Variants in THSD7B observed in about 807,000 individuals in gnomAD.
The protein encoded by THSD7B is thrombospondin type-1 domain-containing protein 7B.
Under a neutral mutation model 213.6 loss-of-function variants are expected in THSD7B, and 138 were observed. The ratio of observed to expected loss-of-function variants is 0.65; its 90% CI spans 0.56 to 0.74. The LOEUF is 0.74. THSD7B is among the 30% of genes least tolerant of loss of function. The pLI is 0.00. For synonymous variants in THSD7B, 742 were observed against 687.0 expected (o/e 1.08, Z -1.25); for missense variants, 1,931 against 1,991.5 (o/e 0.97, Z 0.58).
rs1232723686 is a variant in THSD7B, at chr2:137,398,706, A to C, written c.2501-6907A>C. ...GTGGGCTCCACCCAGTTTGAGCTTC[A>C]GGGCTGCTTTGTTTACCTAATCAAG... On this transcript the variant is annotated intron_variant, in intron 12 of 27. Transcript: ENST00000409968. Among the ~76,000 whole-genome samples, 4 of 151,706 alleles carry C rather than the reference A, an allele frequency of 2.6e-5. No individual in the cohort carries two copies. In the South Asian group the frequency reaches 6.3e-4, roughly 24 times the overall value.
intron 2 of THSD7B, 26 bp downstream of exon 2, chr2:136,882,343 G>C: frequency 6.8e-7 from 1 of 1,477,136 alleles, no homozygotes; most frequent in Non-Finnish European, 9.0e-7. Flanking sequence ...CTGTTCCTTT[G>C]TCCTATTTTC....
intron 2 of THSD7B, among the ~76,000 whole-genome samples, chr2:136,979,338 A>G (rs1228688990): frequency 6.6e-6 from 1 of 151,710 alleles, no homozygotes; most frequent in African/African-American, 2.4e-5. Flanking sequence ...ACATTGGCCT[A>G]TTTTGCTAGG....
In THSD7B at chr2:136,807,509, G is replaced by GTTTTTTTTTTTTTTTTT; in HGVS notation, c.-36+41838_-36+41839insTTTTTTTTTTTTTTTTT. Among the ~76,000 whole-genome samples, 158 of 104,854 alleles carry GTTTTTTTTTTTTTTTTT rather than the reference G, an allele frequency of 1.5e-3. 15 individuals carry two copies. Among genetic ancestry groups the GTTTTTTTTTTTTTTTTT allele is most frequent in the Middle Eastern group, 5.4e-3 (1 of 184 alleles). 68.8% of individuals were successfully genotyped at this position (104,854 alleles called of 152,430 possible). ...ACTTCCTAGCACTACAAAATGTTTC[G>GTTTTTTTTTTTTTTTTT]TTTTTTTTTTTTTTTTGAGACGGAG... On this transcript the variant is annotated intron_variant, in intron 1 of 27. Transcript: ENST00000409968.
At chr2:136,963,981 A>G (rs145551476) in intron 2 of THSD7B, among the ~76,000 whole-genome samples, 1 of 134,400 alleles carries the variant, frequency 7.4e-6, no homozygotes, top group East Asian at 2.0e-4. Flanking sequence ...CTAGCTAGCC[A>G]TGTTGGTTAA....
rs114099189 is a variant in THSD7B, at chr2:137,237,516, C to T, written c.2150+4383C>T. Among the ~76,000 whole-genome samples the T allele has an allele frequency of 3.5e-3, 540 of 152,226 alleles. 6 individuals are homozygous for T. Among genetic ancestry groups the T allele is most frequent in the African/African-American group, 0.012 (487 of 41,544 alleles). ...AGCTAAATATGGGATTTTTAAGGCACGATACAAAATGGAATTCTACCATCA... is the reference window on the plus strand; with the variant it reads ...AGCTAAATATGGGATTTTTAAGGCATGATACAAAATGGAATTCTACCATCA... On this transcript the variant is annotated intron_variant, in intron 9 of 27. Coordinates refer to ENST00000409968, the MANE Select transcript of THSD7B (RefSeq NM_001316349.2).
rs544727492 is a variant in THSD7B, at chr2:136,855,909, C to T, written c.-35-26235C>T. Among the ~76,000 whole-genome samples, 63 of 152,076 alleles carry T rather than the reference C, an allele frequency of 4.1e-4. 1 individual carries two copies. Among genetic ancestry groups the T allele is most frequent in the African/African-American group, 1.3e-3 (54 of 41,466 alleles). On this transcript the variant is annotated intron_variant, in intron 1 of 27. Transcript: ENST00000409968. Reference sequence around the variant, plus strand: ...ACTCTTTCCTCTGCCTGGATTACCCCCCTCCTTTTCCCCAGATCTTCACAT... The same window carrying T: ...ACTCTTTCCTCTGCCTGGATTACCCTCCTCCTTTTCCCCAGATCTTCACAT...
chr2:137,676,422 G>A, intron 27 of THSD7B, 102 bp from the exon 28 acceptor site: 1 of 1,060,042 alleles, frequency 9.4e-7, no homozygotes, highest in Non-Finnish European at 1.4e-6. Context: ...GAATCTTTTT[G>A]TCATTTTACC....
At chr2:136,961,584 G>A (rs1336344389) in intron 2 of THSD7B, among the ~76,000 whole-genome samples, 1 of 152,104 alleles carries the variant, frequency 6.6e-6, no homozygotes, top group Admixed American at 6.5e-5. Flanking sequence ...TCCTGGCTGA[G>A]CTCAGTACCC....
intron 2 of THSD7B, among the ~76,000 whole-genome samples, chr2:137,005,922 CTG>C (rs1686098502): frequency 6.6e-6 from 1 of 152,088 alleles, no homozygotes; most frequent in Non-Finnish European, 1.5e-5. Flanking sequence ...ACGTATGTGT[CTG>C]TGTATCCCAT....
rs34604281 is a variant in THSD7B at position 137,605,648 on chromosome 2, C to CTTTTTT, written c.3424-10493_3424-10488dup. On this transcript the variant is annotated intron_variant, in intron 17 of 27. Transcript: ENST00000409968. Reference sequence around the variant, plus strand: ...AAAAAGCATATATTGGCACTTCGCACTTTTTTTTTTTTTTTTTTTTTTTTT... The same window carrying CTTTTTT: ...AAAAAGCATATATTGGCACTTCGCACTTTTTTTTTTTTTTTTTTTTTTTTTTTTTTT... Among the ~76,000 whole-genome samples, 124 of 69,018 alleles carry CTTTTTT rather than the reference C, an allele frequency of 1.8e-3. 23 individuals are homozygous for CTTTTTT. The highest frequency in any genetic ancestry group is 2.5e-3 in the Non-Finnish European group (90 of 36,478). The allele number at this position is 69,018 out of a possible 152,430, so 45.3% of individuals were successfully genotyped here.
At chr2:137,129,209 T>C (rs1688681533) in intron 5 of THSD7B, among the ~76,000 whole-genome samples, 2 of 152,170 alleles carry the variant, frequency 1.3e-5, no homozygotes, top group South Asian at 4.1e-4. Flanking sequence ...ACAGTGGTGA[T>C]ATACCAGGCA....
chr2:136,848,025 A>T (rs977989285), intron 1 of THSD7B, among the ~76,000 whole-genome samples: 1 of 152,282 alleles, frequency 6.6e-6, no homozygotes, highest in South Asian at 2.1e-4. Flanking sequence ...AAAGATCATC[A>T]TATGGAATCT....
intron 1 of THSD7B, among the ~76,000 whole-genome samples, chr2:136,791,601 A>G (rs1356317640): frequency 6.7e-6 from 1 of 148,554 alleles, no homozygotes; most frequent in African/African-American, 2.5e-5. Context: ...TATAGATCCT[A>G]TAGATTTTCC....
chr2:136,828,300 C>T (rs906589886), intron 1 of THSD7B, among the ~76,000 whole-genome samples: 2 of 152,054 alleles, frequency 1.3e-5, no homozygotes, highest in Non-Finnish European at 2.9e-5. Context: ...TTATACAAAT[C>T]AGAAACCCAG....
At chr2:137,240,253 T>A (rs1457087242) in intron 9 of THSD7B, among the ~76,000 whole-genome samples, 1 of 152,226 alleles carries the variant, frequency 6.6e-6, no homozygotes, top group African/African-American at 2.4e-5. Flanking sequence ...GTGACCAGAA[T>A]GATGTGTTGG....
intron 12 of THSD7B, among the ~76,000 whole-genome samples, chr2:137,291,478 G>A (rs377459559): frequency 1.8e-4 from 28 of 152,196 alleles, no homozygotes; most frequent in Middle Eastern, 3.4e-3. Context: ...ATTAATCCAT[G>A]TGCCCATTAT....
intron 2 of THSD7B, among the ~76,000 whole-genome samples, chr2:136,910,776 A>C (rs987536196): frequency 1.3e-5 from 2 of 152,072 alleles, no homozygotes; most frequent in African/African-American, 4.8e-5. Context: ...TATAATTTTT[A>C]ATGATATTAA....
intron 12 of THSD7B, among the ~76,000 whole-genome samples, chr2:137,364,714 C>T (rs2104940919): frequency 6.6e-6 from 1 of 152,208 alleles, no homozygotes; most frequent in Admixed American, 6.5e-5. Flanking sequence ...AGGAGAACTA[C>T]AAACCACTGC....
chr2:137,258,388 T>A (rs1573916288), intron 10 of THSD7B, among the ~76,000 whole-genome samples: 1 of 152,052 alleles, frequency 6.6e-6, no homozygotes, highest in African/African-American at 2.4e-5. Context: ...TTGCTCTCAT[T>A]CCCTCTCAAT....
Sources: gnomAD v4.1 joint callset for allele counts (sites outside exome capture counted in the v4.1 genomes callset) on GRCh38, gnomAD v4.1.1 for gene constraint, MANE v1.5 for transcripts, NCBI Gene and HGNC (gene_info 2026-07-23, HGNC 2026-07-21) for gene names.